Variants in LIMA1 observed in about 807,000 individuals in gnomAD.
LIMA1 encodes LIM domain and actin-binding protein 1.
A neutral mutation model predicts 62.6 loss-of-function variants in LIMA1; 52 were observed. That is an observed-to-expected ratio of 0.83 (90% CI 0.67 to 1.05). The LOEUF (loss-of-function observed/expected upper bound fraction) is 1.05, where lower values mean the gene tolerates loss of function less well. LIMA1 is among the 50% of genes least tolerant of loss of function. LIMA1 has a pLI of 0.00. For synonymous variants in LIMA1, 302 were observed against 317.8 expected (o/e 0.95, Z 0.53); for missense variants, 780 against 902.2 (o/e 0.86, Z 1.74).
intron 1 of LIMA1, among the ~76,000 whole-genome samples, chr12:50,261,964 T>C (rs1186311121): frequency 6.6e-6 from 1 of 152,214 alleles, no homozygotes; most frequent in Non-Finnish European, 1.5e-5. Context: ...GATTCAGCTA[T>C]TTTTAGAGAC....
intron 5 of LIMA1, among the ~76,000 whole-genome samples, chr12:50,205,350 G>A (rs1941132207): frequency 6.6e-6 from 1 of 151,822 alleles, no homozygotes; most frequent in African/African-American, 2.4e-5. Flanking sequence ...TGAGATTATA[G>A]GTCTGAGCCA....
At chr12:50,281,039 A>G (rs1942334235) in intron 1 of LIMA1, among the ~76,000 whole-genome samples, 1 of 152,218 alleles carries the variant, frequency 6.6e-6, no homozygotes, top group South Asian at 2.1e-4. Flanking sequence ...TATGGAATTA[A>G]GAATGCCTGA....
At chr12:50,247,627 T>TTA (rs1325370823) in intron 2 of LIMA1, among the ~76,000 whole-genome samples, 48 of 148,248 alleles carry the variant, frequency 3.2e-4, no homozygotes, top group African/African-American at 1.1e-3. Context: ...ATTATTATTA[T>TTA]TATTATTATT....
At chr12:50,185,413 G>C in intron 9 of LIMA1, 1 of 456,162 alleles carries the variant, frequency 2.2e-6, no homozygotes, top group Non-Finnish European at 4.4e-6. Flanking sequence ...TGGAAGGCAG[G>C]AGCAGAAATT....
chr12:50,226,110 G>A (rs1339419645), intron 3 of LIMA1, among the ~76,000 whole-genome samples: 1 of 152,054 alleles, frequency 6.6e-6, no homozygotes, highest in Admixed American at 6.6e-5. Context: ...GCAGTGGCAT[G>A]ATCACGGCTC....
At position 50,177,645 on chromosome 12, in the gene LIMA1, CT is replaced by C. The variant is rs963840988; in HGVS notation, c.1698del (p.Val567PhefsTer7). The part of the protein sequence containing the change: ...WPPEDEISKP[E>X]VPEDVDLDLK... ...AGATCTAGATCGACATCCTCAGGAACTTCGGGCTTGCTGATTTCGTCTTCAG... is the reference window on the plus strand; with the variant it reads ...AGATCTAGATCGACATCCTCAGGAACTCGGGCTTGCTGATTTCGTCTTCAG... On this transcript the variant is annotated frameshift_variant, in exon 11 of 11. Transcript: ENST00000341247. LOFTEE classifies it low-confidence loss of function (END_TRUNC). 6.2e-7 allele frequency: 1 copy of C among 1,607,756 alleles called. No individual in the cohort carries two copies. The highest frequency in any genetic ancestry group is 1.3e-5 in the African/African-American group (1 of 74,648).
intron 4 of LIMA1, among the ~76,000 whole-genome samples, chr12:50,210,771 T>C (rs1941241992): frequency 6.6e-6 from 1 of 152,238 alleles, no homozygotes; most frequent in Non-Finnish European, 1.5e-5. Context: ...TACCTTTTTT[T>C]TGAAGCCTTT....
At chr12:50,211,844 C>T (rs947920530) in intron 4 of LIMA1, among the ~76,000 whole-genome samples, 5 of 152,042 alleles carry the variant, frequency 3.3e-5, no homozygotes, top group Non-Finnish European at 7.4e-5. Context: ...TCTTCTGTAA[C>T]AGACTTTTAT....
chr12:50,221,052 T>C (rs1420859787), intron 4 of LIMA1, among the ~76,000 whole-genome samples: 5 of 152,202 alleles, frequency 3.3e-5, no homozygotes, highest in African/African-American at 4.8e-5. Context: ...AACTGAAGAC[T>C]ACAGGATGAG....
rs770788879 is a variant in LIMA1 at position 50,177,731 on chromosome 12, A to G, written c.1613T>C (p.Leu538Pro). 1.2e-6 allele frequency: 2 copies of G among 1,613,738 alleles called. No individual in the cohort carries two copies. The highest frequency in any genetic ancestry group is 2.2e-5 in the East Asian group (1 of 44,864). The change falls in exon 11 of 11, where the codon CTT (leucine) becomes CCT (proline). Residue 538 changes from leucine to proline, a missense_variant. Coordinates refer to ENST00000341247, the MANE Select transcript of LIMA1 (RefSeq NM_016357.5). ...LRIAWPPPTE[L>P]GSSGSALEEG... is the part of the protein sequence containing the mutation. ...CTCCAAGGCACTTCCTGAACTTCCAAGTTCAGTGGGGGGTGGCCAGGCGAT... is the reference window on the plus strand; with the variant it reads ...CTCCAAGGCACTTCCTGAACTTCCAGGTTCAGTGGGGGGTGGCCAGGCGAT...
chr12:50,262,835 A>G lies in LIMA1; in HGVS notation c.-23-14061T>C, dbSNP rs1277198813. On this transcript the variant is annotated intron_variant, in intron 1 of 10. Transcript: ENST00000341247. ...CTCTGACTCAAAAATAAGTAAGTAA[A>G]GGGTTTAAGACCTACATGTATTCTA... Among the ~76,000 whole-genome samples, 6 of 152,216 alleles carry G rather than the reference A, an allele frequency of 3.9e-5. No homozygotes were observed. The East Asian group carries it at 1.2e-3, about 29-fold the overall frequency.
At chr12:50,213,465 G>T (rs764600422) in intron 4 of LIMA1, among the ~76,000 whole-genome samples, 2 of 152,238 alleles carry the variant, frequency 1.3e-5, no homozygotes, top group East Asian at 3.8e-4. Context: ...TAACTTCTCT[G>T]ACCTCATCTA....
intron 3 of LIMA1, among the ~76,000 whole-genome samples, chr12:50,225,437 T>A (rs1941513095): frequency 6.6e-6 from 1 of 152,238 alleles, no homozygotes. Context: ...TTTTTTCTAT[T>A]TTGTACACTA....
At chr12:50,235,543 G>A (rs951138687) in intron 2 of LIMA1, among the ~76,000 whole-genome samples, 37 of 152,080 alleles carry the variant, frequency 2.4e-4, no homozygotes, top group African/African-American at 8.7e-4. Flanking sequence ...GGGATTACAG[G>A]TGTAAGCCAC....
rs1377270611 is a variant in LIMA1, at chr12:50,176,610, T to C, written c.*454A>G. ...TACTAAAAAATTAAATTGGTATTCA[T>C]TTAAAAATATACAAACTGTGCCCTT... On this transcript the variant is annotated 3_prime_UTR_variant, in exon 11 of 11. Transcript: ENST00000341247. 1.3e-5 allele frequency: 2 copies of C among 153,632 alleles called. No individual in the cohort carries two copies. The highest frequency in any genetic ancestry group is 2.9e-5 in the Non-Finnish European group (2 of 68,724). The allele number at this position is 153,632 out of a possible 1,614,324, so 9.5% of individuals were successfully genotyped here.
At chr12:50,220,052 CTTTATT>C (rs923406286) in intron 4 of LIMA1, among the ~76,000 whole-genome samples, 1 of 149,732 alleles carries the variant, frequency 6.7e-6, no homozygotes. Flanking sequence ...CTAGTAGGAT[CTTTATT>C]TTTATTTTTA....
At chr12:50,254,060 A>C (rs1253081727) in intron 1 of LIMA1, among the ~76,000 whole-genome samples, 1 of 148,754 alleles carries the variant, frequency 6.7e-6, no homozygotes, top group Non-Finnish European at 1.5e-5. Flanking sequence ...AAGGTATATT[A>C]TCTCTCCCCA....
chr12:50,201,423 G>A, intron 6 of LIMA1: 1 of 982,670 alleles, frequency 1.0e-6, no homozygotes. Flanking sequence ...CAAAAAGCAT[G>A]TTTTTCCATA....
intron 9 of LIMA1, 34 bp downstream of exon 9, chr12:50,192,418 T>C: frequency 7.3e-7 from 1 of 1,375,050 alleles, no homozygotes; most frequent in Admixed American, 1.7e-5. Context: ...AGTAGACCAA[T>C]GTCCAAAGGC....
Sources: allele counts gnomAD v4.1 joint callset (sites outside exome capture counted in the v4.1 genomes callset), GRCh38; gene constraint gnomAD v4.1.1; transcripts MANE v1.5; gene names NCBI Gene and HGNC (gene_info 2026-07-23, HGNC 2026-07-21).